The following HEXB variants were observed in gnomAD, a reference collection of about 807,000 sequenced individuals.
HEXB encodes the protein hexosaminidase subunit beta, also known as beta-hexosaminidase subunit beta.
In HEXB, 51 loss-of-function variants were observed where a neutral mutation model predicts 71.2. The observed-to-expected ratio is 0.72, with a 90% CI of 0.57 to 0.90. The LOEUF is 0.90. Ranked by LOEUF, HEXB falls within the 40% of genes least tolerant of loss-of-function variation. The pLI is 0.00. For synonymous variants in HEXB, 266 were observed against 249.3 expected, an observed-to-expected ratio of 1.07 and a Z score of -0.63; for missense variants, 617 against 677.0, an observed-to-expected ratio of 0.91 and a Z score of 0.98.
At chr5:74,665,627 C>G (rs1207378780) in intron 1 of HEXB, among the ~76,000 whole-genome samples, 2 of 152,148 alleles carry the variant, frequency 1.3e-5, no homozygotes, top group Non-Finnish European at 2.9e-5. Flanking sequence ...AAGTGAATAG[C>G]AAGTTTGATG....
At chr5:74,659,734 T>C (rs1010640248) in intron 1 of HEXB, among the ~76,000 whole-genome samples, 6 of 152,162 alleles carry the variant, frequency 3.9e-5, no homozygotes, top group African/African-American at 1.4e-4. Flanking sequence ...CAGCCAACAC[T>C]TAACTCTAGG....
chr5:74,712,692 A>G (rs1266110537), intron 6 of HEXB, among the ~76,000 whole-genome samples: 1 of 152,046 alleles, frequency 6.6e-6, no homozygotes, highest in Non-Finnish European at 1.5e-5. Flanking sequence ...TGCTGATTGC[A>G]CCCCACAGTG....
At chr5:74,646,942 G>A (rs942916180) in intron 1 of HEXB, among the ~76,000 whole-genome samples, 2 of 152,102 alleles carry the variant, frequency 1.3e-5, no homozygotes, top group African/African-American at 2.4e-5. Flanking sequence ...GAAATCACAC[G>A]TTTTAAAAAG....
intron 1 of HEXB, 61 bp downstream of exon 1, chr5:74,685,620 G>T: frequency 1.4e-6 from 2 of 1,459,392 alleles, no homozygotes; most frequent in South Asian, 2.7e-5. Context: ...GACCACCCCG[G>T]AGCGCTGTGC....
chr5:74,710,974 C>T (rs1160522627), intron 6 of HEXB, among the ~76,000 whole-genome samples: 1 of 151,600 alleles, frequency 6.6e-6, no homozygotes, highest in Non-Finnish European at 1.5e-5. Flanking sequence ...CCCACATTAC[C>T]AAGTCAATCC....
chr5:74,681,311 G>GA (rs1163868524), upstream of HEXB, among the ~76,000 whole-genome samples: 1 of 152,046 alleles, frequency 6.6e-6, no homozygotes, highest in Non-Finnish European at 1.5e-5. Context: ...TGCTACTGAC[G>GA]ACCAGTGAGT....
chr5:74,661,294 T>C (rs1162695266), intron 1 of HEXB, among the ~76,000 whole-genome samples: 2 of 152,034 alleles, frequency 1.3e-5, no homozygotes, highest in Non-Finnish European at 2.9e-5. Context: ...AGAACGAGAA[T>C]GGGGTGAAAT....
chr5:74,694,525 A>G (rs1411972774), intron 3 of HEXB, among the ~76,000 whole-genome samples: 1 of 152,212 alleles, frequency 6.6e-6, no homozygotes, highest in African/African-American at 2.4e-5. Context: ...TCTGAACTTC[A>G]AAGTTTGACC....
intron 1 of HEXB, among the ~76,000 whole-genome samples, chr5:74,657,241 C>T (rs1308153388): frequency 6.6e-6 from 1 of 152,130 alleles, no homozygotes; most frequent in Admixed American, 6.5e-5. Flanking sequence ...CCCTACTTAT[C>T]CAGTCTCATC....
chr5:74,646,374 A>G (rs1006799636), intron 1 of HEXB, among the ~76,000 whole-genome samples: 1 of 152,084 alleles, frequency 6.6e-6, no homozygotes, highest in Non-Finnish European at 1.5e-5. Flanking sequence ...GGTGTCTTGA[A>G]TGAGTTCACA....
chr5:74,688,551 G>A (rs1452305689), intron 1 of HEXB, among the ~76,000 whole-genome samples: 2 of 152,068 alleles, frequency 1.3e-5, no homozygotes, highest in Admixed American at 6.5e-5. Context: ...CACTATGTGG[G>A]CCGGGCTGGT....
rs70976121 is a variant in HEXB at position 74,679,798 on chromosome 5, C to CAAA, written c.-376-9505_-376-9503dup. ...CTGGTGACAGCGCGAGACTCCGTCT[C>CAAA]AAAAAAAAAAAAAAAAAAAAAAAAA... On this transcript the variant is annotated intron_variant, in intron 1 of 13. Coordinates refer to the HEXB transcript ENST00000511181. 9.8e-4 allele frequency among the ~76,000 whole-genome samples: 38 copies of CAAA among 38,918 alleles called. 8 individuals carry two copies. Among genetic ancestry groups the CAAA allele is most frequent in the South Asian group, 1.7e-3 (1 of 580 alleles). The allele number at this position is 38,918 out of a possible 152,430, so 25.5% of individuals were successfully genotyped here.
intron 1 of HEXB, among the ~76,000 whole-genome samples, chr5:74,656,017 C>T (rs1748211457): frequency 6.6e-6 from 1 of 152,154 alleles, no homozygotes; most frequent in African/African-American, 2.4e-5. Flanking sequence ...TATTAAGTAG[C>T]TAGTTCATCA....
At chr5:74,704,305 C>T (rs820830) in intron 5 of HEXB, among the ~76,000 whole-genome samples, 131,423 of 152,158 alleles carry the variant, frequency 0.86, 57,046 homozygotes, top group Non-Finnish European at 0.9. Context: ...CAAATCCCTT[C>T]AGCCTTGATG....
Position 74,705,283 on chromosome 5 carries a change from C to T in HEXB, c.734C>T (p.Pro245Leu), listed in dbSNP as rs1301523493. The stretch of plus-strand genomic sequence containing the variant: ...CACATAGTTGATGACCAGTCTTTCC[C>T]ATATCAGAGCATCACTTTTCCTGAG... ...HWHIVDDQSF[P>L]YQSITFPELS... Residue 245 changes from proline to leucine, a missense_variant, in exon 6 of 14, where the codon CCA (proline) becomes CTA (leucine). Coordinates refer to ENST00000261416, the MANE Select transcript of HEXB (RefSeq NM_000521.4). The T allele has an allele frequency of 6.2e-7, 1 of 1,608,886 alleles. No individual in the cohort carries two copies. Among genetic ancestry groups the T allele is most frequent in the African/African-American group, 1.3e-5 (1 of 74,816 alleles).
intron 1 of HEXB, among the ~76,000 whole-genome samples, chr5:74,666,860 G>C (rs1209526997): frequency 6.6e-6 from 1 of 152,072 alleles, no homozygotes; most frequent in Non-Finnish European, 1.5e-5. Flanking sequence ...TATATATAGG[G>C]AAAAGCTCTC....
intron 11 of HEXB, among the ~76,000 whole-genome samples, chr5:74,719,811 G>C (rs1749775581): frequency 6.6e-6 from 1 of 151,890 alleles, no homozygotes; most frequent in African/African-American, 2.4e-5. Context: ...ACGTGGTGAT[G>C]GGTACCTGTA....
At chr5:74,701,341 T>C (rs2112149643) in intron 5 of HEXB, among the ~76,000 whole-genome samples, 1 of 152,328 alleles carries the variant, frequency 6.6e-6, no homozygotes, top group East Asian at 1.9e-4. Context: ...TCTTATTAAA[T>C]TCTTGATTCT....
chr5:74,720,205 G>C, intron 11 of HEXB: 2 of 576,976 alleles, frequency 3.5e-6, no homozygotes, highest in Admixed American at 2.9e-5. Flanking sequence ...GTGAACCGTG[G>C]GTCAGGGCTG....
Sources: allele counts gnomAD v4.1 joint callset (sites outside exome capture counted in the v4.1 genomes callset), GRCh38; gene constraint gnomAD v4.1.1; transcripts MANE v1.5; gene names NCBI Gene and HGNC (gene_info 2026-07-23, HGNC 2026-07-21).